The following IPO11 variants were observed in gnomAD, a reference collection of about 807,000 sequenced individuals.
IPO11 encodes importin 11.
A neutral mutation model predicts 143.2 loss-of-function variants in IPO11; 66 were observed. The ratio of observed to expected loss-of-function variants is 0.46; its 90% CI spans 0.38 to 0.57. The LOEUF is 0.57. Ranked by LOEUF, IPO11 falls within the 20% of genes least tolerant of loss-of-function variation. The probability of loss-of-function intolerance (pLI) is 0.00; values close to 1 mark genes in which losing one functional copy is unlikely to be tolerated. For synonymous variants in IPO11, 385 were observed against 377.8 expected (o/e 1.02, Z -0.22); for missense variants, 1,026 against 1,141.0 (o/e 0.90, Z 1.45).
intron 29 of IPO11, among the ~76,000 whole-genome samples, chr5:62,619,778 A>C (rs1746279098): frequency 6.6e-6 from 1 of 151,660 alleles, no homozygotes; most frequent in Non-Finnish European, 1.5e-5. Flanking sequence ...GCGTGAACCC[A>C]GGAGGGTGGA....
Position 62,494,095 on chromosome 5 carries a change from T to C in IPO11, c.1561T>C (p.Cys521Arg). 6.2e-7 allele frequency: 1 copy of C among 1,611,784 alleles called. No individual in the cohort carries two copies. Among genetic ancestry groups the C allele is most frequent in the Non-Finnish European group, 8.5e-7 (1 of 1,179,086 alleles). The change falls in exon 16 of 30, where the codon TGT becomes CGT. Residue 521 changes from cysteine (C) to arginine (R), a missense_variant. Physicochemically the swap from Cys to Arg is radical, Grantham distance 180. Transcript: ENST00000325324. ...DLRPMLYEAICNLLQDQDLVV... is the reference protein window; with the variant it reads ...DLRPMLYEAIRNLLQDQDLVV... ...AAGACCCATGCTTTATGAAGCAATCTGTAACTTGCTTCAAGATCAAGATTT... is the reference window on the plus strand; with the variant it reads ...AAGACCCATGCTTTATGAAGCAATCCGTAACTTGCTTCAAGATCAAGATTT...
intron 21 of IPO11, among the ~76,000 whole-genome samples, chr5:62,529,669 G>A (rs966092132): frequency 2.0e-5 from 3 of 152,156 alleles, no homozygotes; most frequent in African/African-American, 4.8e-5. Context: ...AAGTAGACCC[G>A]TGTTGGGGGC....
chr5:62,563,671 T>A (rs1743844734), intron 27 of IPO11, among the ~76,000 whole-genome samples: 1 of 152,172 alleles, frequency 6.6e-6, no homozygotes, highest in South Asian at 2.1e-4. Flanking sequence ...ATATTTCATA[T>A]ACACCTCATA....
intron 1 of IPO11, among the ~76,000 whole-genome samples, chr5:62,420,017 GTGGTGGCTCACGCCTGTAATCT>G (rs1340327396): frequency 6.6e-6 from 1 of 151,916 alleles, no homozygotes; most frequent in Non-Finnish European, 1.5e-5. Flanking sequence ...TAGGCTGGGC[GTGGTGGCTCACGCCTGTAATCT>G]TAGCACTTCG....
At chr5:62,601,574 T>C (rs910809452) in intron 28 of IPO11, among the ~76,000 whole-genome samples, 190 bp from the exon 29 acceptor site, 1 of 152,148 alleles carries the variant, frequency 6.6e-6, no homozygotes, top group Non-Finnish European at 1.5e-5. Flanking sequence ...GTGGCCCTTT[T>C]TATAGTGAGA....
At chr5:62,439,442 A>G (rs1357655360) in intron 2 of IPO11, among the ~76,000 whole-genome samples, 3 of 151,926 alleles carry the variant, frequency 2.0e-5, no homozygotes, top group Non-Finnish European at 4.4e-5. Flanking sequence ...GCCCGCCACC[A>G]CGCCTGGCTA....
intron 29 of IPO11, among the ~76,000 whole-genome samples, chr5:62,621,579 G>A (rs1338619325): frequency 2.6e-5 from 4 of 152,182 alleles, no homozygotes; most frequent in Non-Finnish European, 5.9e-5. Flanking sequence ...GTTTAAGGGG[G>A]AAGGGGAGTG....
chr5:62,492,156 A>G (rs761107709), intron 15 of IPO11, among the ~76,000 whole-genome samples: 5 of 152,154 alleles, frequency 3.3e-5, no homozygotes, highest in South Asian at 4.1e-4. Flanking sequence ...AAAGTGATCT[A>G]TACTTTTACT....
intron 16 of IPO11, among the ~76,000 whole-genome samples, chr5:62,494,531 C>G (rs777068555): frequency 9.2e-5 from 14 of 151,844 alleles, no homozygotes; most frequent in Non-Finnish European, 7.4e-5. Context: ...AATTATTGGG[C>G]TCTTTTAAGG....
At chr5:62,529,882 T>G (rs1244015024) in intron 21 of IPO11, among the ~76,000 whole-genome samples, 1 of 152,100 alleles carries the variant, frequency 6.6e-6, no homozygotes, top group African/African-American at 2.4e-5. Context: ...CGTGGATGTG[T>G]ATTATGTCAT....
intron 3 of IPO11, among the ~76,000 whole-genome samples, chr5:62,447,371 C>T (rs1744755409): frequency 6.6e-6 from 1 of 152,190 alleles, no homozygotes; most frequent in South Asian, 2.1e-4. Context: ...TTCCAAAATG[C>T]TGGGATTTAC....
At chr5:62,536,811 A>C (rs1456759278) in intron 23 of IPO11, 30 bp downstream of exon 23, 2 of 1,429,430 alleles carry the variant, frequency 1.4e-6, no homozygotes, top group Non-Finnish European at 9.2e-7. Flanking sequence ...CATTATATGA[A>C]ATTATATAAT....
chr5:62,446,565 C>T (rs972946742), intron 3 of IPO11, among the ~76,000 whole-genome samples: 9 of 152,162 alleles, frequency 5.9e-5, no homozygotes, highest in African/African-American at 2.2e-4. Context: ...GGGATATCCT[C>T]TATTGTGAAG....
chr5:62,553,323 AGTGTGTGTGTGTGTGTGTGTGTGT>A (rs3077458), intron 26 of IPO11, among the ~76,000 whole-genome samples: 5 of 119,180 alleles, frequency 4.2e-5, no homozygotes, highest in Admixed American at 1.7e-4. Flanking sequence ...TATTCGTGTG[AGTGTGTGTGTGTGTGTGTGTGTGT>A]GTGTGTGTGT....
At chr5:62,603,646 C>T (rs530074691) in intron 29 of IPO11, among the ~76,000 whole-genome samples, 1 of 152,306 alleles carries the variant, frequency 6.6e-6, no homozygotes, top group South Asian at 2.1e-4. Context: ...CGCCAGTTCA[C>T]CTAGTGTGCA....
chr5:62,440,840 G>A (rs1029123855), intron 2 of IPO11, among the ~76,000 whole-genome samples: 6 of 151,782 alleles, frequency 4.0e-5, no homozygotes, highest in African/African-American at 1.4e-4. Context: ...GTGCATGCCT[G>A]TAATCCCAGC....
chr5:62,480,599 G>A (rs1393728079), intron 9 of IPO11, among the ~76,000 whole-genome samples: 2 of 152,036 alleles, frequency 1.3e-5, no homozygotes, highest in African/African-American at 4.8e-5. Flanking sequence ...ATTTGTTTGT[G>A]TCCTCTTATT....
intron 26 of IPO11, 135 bp downstream of exon 26, chr5:62,551,471 C>T (rs1458198759): frequency 9.9e-6 from 5 of 504,336 alleles, no homozygotes; most frequent in Non-Finnish European, 1.4e-5. Flanking sequence ...TTTATTTATG[C>T]TGTATCAATA....
intron 1 of IPO11, chr5:62,422,376 C>T (rs567197952): frequency 6.6e-6 from 1 of 152,342 alleles, no homozygotes; most frequent in Non-Finnish European, 1.5e-5. Flanking sequence ...ATCTGCCTGC[C>T]TCGGCCTCCA....
Sources: gnomAD v4.1 joint callset for allele counts (sites outside exome capture counted in the v4.1 genomes callset) on GRCh38, gnomAD v4.1.1 for gene constraint, MANE v1.5 for transcripts, NCBI Gene and HGNC (gene_info 2026-07-23, HGNC 2026-07-21) for gene names.